Variants in GRID2 observed in about 807,000 individuals in gnomAD.
GRID2 encodes glutamate receptor ionotropic, delta-2.
In GRID2, 33 loss-of-function variants were observed where a neutral mutation model predicts 114.8. The ratio of observed to expected loss-of-function variants is 0.29; its 90% confidence interval spans 0.22 to 0.38. The LOEUF (loss-of-function observed/expected upper bound fraction) is 0.38, where lower values mean the gene tolerates loss of function less well. GRID2 is among the 10% of genes least tolerant of loss of function. The pLI is 1.00. For synonymous variants in GRID2, 505 were observed against 449.9 expected (o/e 1.12, Z -1.55); for missense variants, 1,184 against 1,257.7 (o/e 0.94, Z 0.89).
At chr4:93,012,358 T>G (rs2149233494) in intron 2 of GRID2, among the ~76,000 whole-genome samples, 1 of 152,138 alleles carries the variant, frequency 6.6e-6, no homozygotes, top group South Asian at 2.1e-4. Context: ...ATCCATTTAT[T>G]CCTTAGCATC....
Position 93,493,140 on chromosome 4 carries a change from A to T in GRID2, c.1997+2363A>T, listed in dbSNP as rs1727179982. 2.0e-5 allele frequency among the ~76,000 whole-genome samples: 3 copies of T among 151,898 alleles called. No individual in the cohort carries two copies. In the South Asian group the frequency reaches 6.2e-4, roughly 31 times the overall value. ...TTCATTAACATATTTCTTATCAATT[A>T]TGTTGAATGTGTCACATTTTGGGTA... On this transcript the variant is annotated intron_variant, in intron 12 of 15. Coordinates refer to ENST00000282020, the MANE Select transcript of GRID2 (RefSeq NM_001510.4).
intron 12 of GRID2, among the ~76,000 whole-genome samples, chr4:93,492,993 A>G (rs1199017006): frequency 6.6e-6 from 1 of 151,892 alleles, no homozygotes; most frequent in Non-Finnish European, 1.5e-5. Flanking sequence ...GTGATATCAT[A>G]TAATATTTGT....
chr4:92,572,734 T>G (rs938491839), intron 1 of GRID2, among the ~76,000 whole-genome samples: 1 of 152,106 alleles, frequency 6.6e-6, no homozygotes, highest in Non-Finnish European at 1.5e-5. Context: ...CAGTGTTTTG[T>G]TGAGTATTTT....
At chr4:93,358,317 G>A (rs899251134) in intron 8 of GRID2, among the ~76,000 whole-genome samples, 11 of 151,696 alleles carry the variant, frequency 7.3e-5, no homozygotes, top group Non-Finnish European at 1.5e-4. Context: ...TGATTTTAAT[G>A]AGAATTGCTT....
intron 1 of GRID2, among the ~76,000 whole-genome samples, chr4:92,464,909 T>TC (rs1056525738): frequency 3.3e-5 from 5 of 152,066 alleles, no homozygotes; most frequent in African/African-American, 1.2e-4. Flanking sequence ...GGGGCAGATT[T>TC]CCCCCTTGGT....
intron 10 of GRID2, among the ~76,000 whole-genome samples, chr4:93,432,214 G>C (rs1209249963): frequency 2.0e-5 from 3 of 152,144 alleles, no homozygotes; most frequent in African/African-American, 7.2e-5. Flanking sequence ...TTTTATTGCT[G>C]CTAGTTTACA....
At chr4:93,561,423 G>T (rs926269242) in intron 13 of GRID2, among the ~76,000 whole-genome samples, 14 of 152,116 alleles carry the variant, frequency 9.2e-5, no homozygotes, top group African/African-American at 2.9e-4. Context: ...TGAAAGGAAG[G>T]TATAGAGATT....
At chr4:92,813,680 A>G (rs1740756259) in intron 2 of GRID2, among the ~76,000 whole-genome samples, 1 of 151,958 alleles carries the variant, frequency 6.6e-6, no homozygotes, top group African/African-American at 2.4e-5. Flanking sequence ...ACATATACTC[A>G]CACACACTTT....
intron 7 of GRID2, among the ~76,000 whole-genome samples, chr4:93,231,910 T>C (rs1005029659): frequency 6.6e-6 from 1 of 152,054 alleles, no homozygotes; most frequent in African/African-American, 2.4e-5. Flanking sequence ...ACTTAGAAAA[T>C]AGATTAGAAA....
intron 1 of GRID2, among the ~76,000 whole-genome samples, chr4:92,453,391 C>T (rs1208012623): frequency 6.6e-6 from 1 of 152,106 alleles, no homozygotes; most frequent in Admixed American, 6.6e-5. Flanking sequence ...CTATCTTGCT[C>T]AGTCATTAGC....
chr4:93,560,155 C>T lies in GRID2; in HGVS notation c.2193+44744C>T, dbSNP rs543206085. On this transcript the variant is annotated intron_variant, in intron 13 of 15. Transcript: ENST00000282020. ...TGATGGGTTGATGGGTGCAGCAAACCGCCATGGCAAGTGTGTACCTACGTA... is the reference window on the plus strand; with the variant it reads ...TGATGGGTTGATGGGTGCAGCAAACTGCCATGGCAAGTGTGTACCTACGTA... Among the ~76,000 whole-genome samples, 3 of 140,662 alleles carry T rather than the reference C, an allele frequency of 2.1e-5. No homozygotes were observed. The South Asian group carries it at 6.8e-4, about 32-fold the overall frequency. The allele number at this position is 140,662 out of a possible 152,430, so 92.3% of individuals were successfully genotyped here. A position where few individuals can be genotyped will look rare whatever the true frequency, so the allele number is the denominator to read the frequency against.
At chr4:93,272,162 C>T (rs927271807) in intron 8 of GRID2, among the ~76,000 whole-genome samples, 2 of 152,118 alleles carry the variant, frequency 1.3e-5, no homozygotes, top group African/African-American at 4.8e-5. Context: ...AATTATTGAC[C>T]TTCTACCATG....
At chr4:92,360,928 G>T (rs1286209316) in intron 1 of GRID2, among the ~76,000 whole-genome samples, 1 of 151,922 alleles carries the variant, frequency 6.6e-6, no homozygotes, top group Admixed American at 6.6e-5. Context: ...TTAAATATTT[G>T]TGTTCTATTT....
intron 1 of GRID2, among the ~76,000 whole-genome samples, chr4:92,411,655 G>GTGTATATATA: frequency 4.7e-5 from 4 of 84,690 alleles, no homozygotes; most frequent in Admixed American, 2.3e-4. Context: ...GTGTGTGTGT[G>GTGTATATATA]TATATATATA....
chr4:93,231,373 T>A, intron 7 of GRID2, among the ~76,000 whole-genome samples: 1 of 130,642 alleles, frequency 7.7e-6, no homozygotes, highest in Admixed American at 9.5e-5. Flanking sequence ...TTTATGGAAT[T>A]ACCCCGCACC....
At chr4:93,520,893 G>A (rs1177362720) in intron 13 of GRID2, among the ~76,000 whole-genome samples, 1 of 152,058 alleles carries the variant, frequency 6.6e-6, no homozygotes, top group Non-Finnish European at 1.5e-5. Context: ...CTTTTTAAAG[G>A]TCCGCTCTAG....
intron 14 of GRID2, among the ~76,000 whole-genome samples, chr4:93,630,348 G>A (rs1321478439): frequency 6.6e-6 from 1 of 152,090 alleles, no homozygotes; most frequent in Non-Finnish European, 1.5e-5. Context: ...CTCATTAAAG[G>A]CATTCAAGAA....
At chr4:93,337,017 T>C (rs1006328830) in intron 8 of GRID2, among the ~76,000 whole-genome samples, 4 of 152,170 alleles carry the variant, frequency 2.6e-5, no homozygotes, top group Non-Finnish European at 4.4e-5. Context: ...GGGAGAAGTT[T>C]CTTAAGTAAT....
At chr4:92,380,512 C>G (rs541915585) in intron 1 of GRID2, among the ~76,000 whole-genome samples, 1 of 151,924 alleles carries the variant, frequency 6.6e-6, no homozygotes, top group Non-Finnish European at 1.5e-5. Flanking sequence ...TGATTTGGCT[C>G]CATTTTTGTC....
Sources: allele counts gnomAD v4.1 joint callset (sites outside exome capture counted in the v4.1 genomes callset), GRCh38; gene constraint gnomAD v4.1.1; transcripts MANE v1.5; gene names NCBI Gene and HGNC (gene_info 2026-07-23, HGNC 2026-07-21).